ASB4: variants seen among roughly 807,000 people sequenced by gnomAD.
ASB4 encodes ankyrin repeat and SOCS box protein 4.
Under a neutral mutation model 38.6 loss-of-function variants are expected in ASB4, and 35 were observed. The observed-to-expected ratio is 0.91, with a 90% CI of 0.69 to 1.20. The LOEUF (loss-of-function observed/expected upper bound fraction) is 1.20. Ranked by LOEUF, ASB4 falls within the 50% of genes most tolerant of loss-of-function variation. The pLI, the probability that ASB4 is intolerant of heterozygous loss-of-function variation, is 0.00. For synonymous variants in ASB4, 195 were observed against 201.3 expected (o/e 0.97, Z 0.26); for missense variants, 557 against 527.2 (o/e 1.06, Z -0.55).
intron 1 of ASB4, chr7:95,478,678 G>A (rs557796269): frequency 6.6e-6 from 1 of 152,288 alleles, no homozygotes; most frequent in African/African-American, 2.4e-5. Context: ...TCCAAGAAGT[G>A]GGCAGTAGCG....
At chr7:95,505,201 A>G (rs1480396825) in intron 2 of ASB4, among the ~76,000 whole-genome samples, 1 of 152,248 alleles carries the variant, frequency 6.6e-6, no homozygotes, top group Non-Finnish European at 1.5e-5. Flanking sequence ...GTTTGTCTAC[A>G]TGGAAAATCC....
At chr7:95,511,624 T>C (rs1790482463) in intron 2 of ASB4, among the ~76,000 whole-genome samples, 1 of 150,574 alleles carries the variant, frequency 6.6e-6, no homozygotes, top group Non-Finnish European at 1.5e-5. Context: ...ATTGCGCCAT[T>C]GCACTCCAGC....
At chr7:95,506,071 T>A (rs1790404066) in intron 2 of ASB4, among the ~76,000 whole-genome samples, 2 of 151,992 alleles carry the variant, frequency 1.3e-5, no homozygotes, top group Non-Finnish European at 2.9e-5. Context: ...TTTTAAAAAA[T>A]TATTTTTAGT....
chr7:95,492,542 C>T (rs1404290666), intron 1 of ASB4, among the ~76,000 whole-genome samples: 2 of 152,196 alleles, frequency 1.3e-5, no homozygotes, highest in African/African-American at 4.8e-5. Context: ...GTTTTCTCAT[C>T]TGGAAAATGA....
the ASB4 span, among the ~76,000 whole-genome samples, chr7:95,471,213 G>A: frequency 1.3e-5 from 2 of 152,262 alleles, no homozygotes; most frequent in African/African-American, 2.4e-5. Context: ...GAAAAAAGAC[G>A]CACGTCCCCT....
Position 95,495,977 on chromosome 7 carries a change from A to C in ASB4, c.407A>C (p.Tyr136Ser). 3.7e-6 allele frequency: 6 copies of C among 1,613,834 alleles called. No individual in the cohort carries two copies. Among genetic ancestry groups the C allele is most frequent in the Non-Finnish European group, 5.1e-6 (6 of 1,179,908 alleles). ...GATCGTGGGGCAAAGCTCAATTGCTACTCCTTAAGTGGACACACAGCTTTG... is the reference window on the plus strand; with the variant it reads ...GATCGTGGGGCAAAGCTCAATTGCTCCTCCTTAAGTGGACACACAGCTTTG... The part of the protein sequence containing the change: ...LCDRGAKLNC[Y>S]SLSGHTALHF... The change falls in exon 2 of 5, where the codon TAC becomes TCC. Residue 136 changes from tyrosine to serine, a missense_variant. Coordinates refer to ENST00000325885, the MANE Select transcript of ASB4 (RefSeq NM_016116.3).
At chr7:95,545,460 G>T in the ASB4 span, among the ~76,000 whole-genome samples, 1 of 152,220 alleles carries the variant, frequency 6.6e-6, no homozygotes, top group African/African-American at 2.4e-5. Context: ...GTTTCTCTCT[G>T]TGTAGCACTG....
At chr7:95,527,755 C>T (rs1310443877) in intron 2 of ASB4, 58 bp from the exon 3 acceptor site, 11 of 1,481,782 alleles carry the variant, frequency 7.4e-6, no homozygotes, top group Non-Finnish European at 1.0e-5. Context: ...TTTAATGAAC[C>T]TTAGGAATAA....
At chr7:95,499,943 G>A (rs974352053) in intron 2 of ASB4, among the ~76,000 whole-genome samples, 9 of 145,300 alleles carry the variant, frequency 6.2e-5, no homozygotes, top group Admixed American at 2.9e-4. Flanking sequence ...GTGCGATCTC[G>A]GCTCACTGCA....
intron 2 of ASB4, among the ~76,000 whole-genome samples, chr7:95,527,356 A>G (rs1790752797): frequency 6.6e-6 from 1 of 152,230 alleles, no homozygotes; most frequent in Non-Finnish European, 1.5e-5. Flanking sequence ...TTTATCTGCT[A>G]TGAAAGAGAA....
intron 2 of ASB4, among the ~76,000 whole-genome samples, chr7:95,522,313 T>G (rs747252251): frequency 6.6e-6 from 1 of 152,180 alleles, no homozygotes; most frequent in Non-Finnish European, 1.5e-5. Flanking sequence ...ATGATGGCAA[T>G]GATGCTCGTG....
chr7:95,487,573 C>T (rs1315221943), intron 1 of ASB4, among the ~76,000 whole-genome samples: 1 of 152,108 alleles, frequency 6.6e-6, no homozygotes, highest in Non-Finnish European at 1.5e-5. Flanking sequence ...ATATAAGAAA[C>T]CAAGTTTTAG....
chr7:95,475,246 A>T (rs908305136), upstream of ASB4, among the ~76,000 whole-genome samples: 2 of 152,106 alleles, frequency 1.3e-5, no homozygotes, highest in Non-Finnish European at 2.9e-5. Context: ...TATACTATAC[A>T]CTCACTACAC....
At chr7:95,484,563 A>G (rs1388901324), upstream of ASB4, among the ~76,000 whole-genome samples, 2 of 152,236 alleles carry the variant, frequency 1.3e-5, no homozygotes, top group Non-Finnish European at 2.9e-5. Context: ...CATCAATAAA[A>G]TAAGTTTAAA....
intron 2 of ASB4, among the ~76,000 whole-genome samples, chr7:95,523,288 A>G (rs1790688250): frequency 6.6e-6 from 1 of 152,228 alleles, no homozygotes; most frequent in African/African-American, 2.4e-5. Context: ...CACTGTGTTT[A>G]GGAAAAATCA....
upstream of ASB4, among the ~76,000 whole-genome samples, chr7:95,478,076 C>T (rs1266953156): frequency 1.3e-5 from 2 of 152,130 alleles, no homozygotes; most frequent in Non-Finnish European, 2.9e-5. Context: ...GTAAAAAGAA[C>T]GTTACAGAGG....
At chr7:95,481,635 A>T (rs1348619574), upstream of ASB4, among the ~76,000 whole-genome samples, 1 of 152,210 alleles carries the variant, frequency 6.6e-6, no homozygotes, top group Non-Finnish European at 1.5e-5. Flanking sequence ...TTTAAATGCC[A>T]TGATAAACCA....
downstream of ASB4, chr7:95,543,512 G>A (rs1790996748): frequency 6.6e-6 from 1 of 152,262 alleles, no homozygotes; most frequent in South Asian, 2.1e-4. Flanking sequence ...AAGTGCTATT[G>A]GAGTCGAGGG....
At chr7:95,529,875 A>T (rs976433977) in intron 3 of ASB4, among the ~76,000 whole-genome samples, 3 of 152,126 alleles carry the variant, frequency 2.0e-5, no homozygotes, top group Non-Finnish European at 4.4e-5. Flanking sequence ...TAGTGTTAAT[A>T]TATTTTCATA....
Sources: gnomAD v4.1 joint callset for allele counts (sites outside exome capture counted in the v4.1 genomes callset) on GRCh38, gnomAD v4.1.1 for gene constraint, MANE v1.5 for transcripts, NCBI Gene and HGNC (gene_info 2026-07-23, HGNC 2026-07-21) for gene names.